Variants in RALYL observed in about 807,000 individuals in gnomAD.
RALYL encodes the protein RNA-binding Raly-like protein.
A neutral mutation model predicts 35.1 loss-of-function variants in RALYL; 29 were observed. The ratio of observed to expected loss-of-function variants is 0.83; its 90% confidence interval spans 0.61 to 1.13. RALYL has a LOEUF of 1.13. Among genes scored for constraint, RALYL ranks in the 50% most tolerant of loss-of-function variants. The pLI is 0.00. For synonymous variants in RALYL, 120 were observed against 127.6 expected, an observed-to-expected ratio of 0.94 and a Z score of 0.40; for missense variants, 359 against 360.4, an observed-to-expected ratio of 1.00 and a Z score of 0.03.
chr8:84,899,569 C>T (rs1259910805), intron 8 of RALYL, among the ~76,000 whole-genome samples: 1 of 152,044 alleles, frequency 6.6e-6, no homozygotes, highest in Admixed American at 6.5e-5. Flanking sequence ...GATTATTATA[C>T]AAAGAATGGA....
rs544099007 is a variant in RALYL, at chr8:84,419,445, A to G, written c.-23-109854A>G. ...TGTCTTTATCCCATTCTGCATCTGT[A>G]CCATTATCCCTAAAACTTGTCTTCA... On this transcript the variant is annotated intron_variant, in intron 1 of 8. Transcript: ENST00000521268. Among the ~76,000 whole-genome samples, 8 of 152,014 alleles carry G rather than the reference A, an allele frequency of 5.3e-5. No homozygotes were observed. The South Asian group carries it at 1.7e-3, about 32-fold the overall frequency.
chr8:84,623,968 C>T lies in RALYL; in HGVS notation c.256+94391C>T, dbSNP rs529121252. On this transcript the variant is annotated intron_variant, in intron 2 of 8. Transcript: ENST00000521268. Reference sequence around the variant, plus strand: ...AGTGGGAGATGAGATACTTCTCTTTCGACTGGTACTATTGTCTGTGTGAAA... The same window carrying T: ...AGTGGGAGATGAGATACTTCTCTTTTGACTGGTACTATTGTCTGTGTGAAA... Among the ~76,000 whole-genome samples the T allele has an allele frequency of 7.2e-5, 11 of 152,214 alleles. No homozygotes were observed. In the South Asian group the frequency reaches 8.3e-4, roughly 11 times the overall value.
At chr8:84,560,465 A>G (rs970789935) in intron 2 of RALYL, among the ~76,000 whole-genome samples, 1 of 151,984 alleles carries the variant, frequency 6.6e-6, no homozygotes, top group African/African-American at 2.4e-5. Flanking sequence ...AACAATAGAG[A>G]CAATGTAGCC....
chr8:84,569,723 A>T (rs1318297144), intron 2 of RALYL, among the ~76,000 whole-genome samples: 1 of 151,792 alleles, frequency 6.6e-6, no homozygotes, highest in Non-Finnish European at 1.5e-5. Context: ...GTTTTAGGTC[A>T]TACATTTAAG....
chr8:84,770,295 G>A (rs1239365920), intron 2 of RALYL, among the ~76,000 whole-genome samples: 1 of 151,678 alleles, frequency 6.6e-6, no homozygotes, highest in Non-Finnish European at 1.5e-5. Context: ...AACACACGAT[G>A]TTTGGTTTTC....
chr8:84,900,197 C>A (rs542923371), intron 8 of RALYL, among the ~76,000 whole-genome samples: 1 of 152,026 alleles, frequency 6.6e-6, no homozygotes, highest in Non-Finnish European at 1.5e-5. Context: ...TTCTGGAGTC[C>A]TTTGGAAATG....
At chr8:84,839,548 C>G (rs1832755483) in intron 4 of RALYL, among the ~76,000 whole-genome samples, 1 of 152,206 alleles carries the variant, frequency 6.6e-6, no homozygotes, top group South Asian at 2.1e-4. Context: ...GAGGGCAGGG[C>G]ACAGCCAAAC....
intron 2 of RALYL, among the ~76,000 whole-genome samples, chr8:84,740,922 T>C (rs541749511): frequency 3.9e-5 from 6 of 152,146 alleles, no homozygotes; most frequent in African/African-American, 1.4e-4. Flanking sequence ...GACATCTATT[T>C]GAGTTACTAT....
At chr8:84,454,932 G>C (rs1340116941) in intron 1 of RALYL, among the ~76,000 whole-genome samples, 1 of 152,038 alleles carries the variant, frequency 6.6e-6, no homozygotes, top group African/African-American at 2.4e-5. Context: ...TAGAAGTAGA[G>C]AATACTCTTC....
chr8:84,698,569 A>G (rs746043397), intron 2 of RALYL, among the ~76,000 whole-genome samples: 4 of 152,268 alleles, frequency 2.6e-5, no homozygotes, highest in Non-Finnish European at 5.9e-5. Context: ...TACCACATAT[A>G]TAAAATAAAG....
chr8:84,527,812 G>A (rs1318680309), intron 1 of RALYL, among the ~76,000 whole-genome samples: 1 of 152,008 alleles, frequency 6.6e-6, no homozygotes, highest in African/African-American at 2.4e-5. Context: ...GTTTCTAATG[G>A]TGTTTTACTC....
At chr8:84,377,680 C>G (rs966782379) in intron 1 of RALYL, among the ~76,000 whole-genome samples, 8 of 151,244 alleles carry the variant, frequency 5.3e-5, no homozygotes, top group Non-Finnish European at 1.2e-4. Flanking sequence ...TTTTATCCAC[C>G]CACTCTGCTC....
At position 84,775,673 on chromosome 8, in the gene RALYL, G is replaced by A. The variant is rs549141004; in HGVS notation, c.332+1019G>A. 3.3e-5 allele frequency among the ~76,000 whole-genome samples: 5 copies of A among 152,238 alleles called. No individual in the cohort carries two copies. In the South Asian group the frequency reaches 6.2e-4, roughly 19 times the overall value. On this transcript the variant is annotated intron_variant, in intron 3 of 8. Coordinates refer to ENST00000521268, the MANE Select transcript of RALYL (RefSeq NM_173848.7). ...AATTTGTCAGTGTCTATATCTATGC[G>A]GAGAATCCAGGTGAAGAGATTTAGC...
chr8:84,460,638 G>T (rs946469691), intron 1 of RALYL, among the ~76,000 whole-genome samples: 1 of 151,656 alleles, frequency 6.6e-6, no homozygotes, highest in Non-Finnish European at 1.5e-5. Flanking sequence ...CTGTGTATAA[G>T]ATACTTTCAA....
chr8:84,195,102 A>G (rs773135864), intron 1 of RALYL, among the ~76,000 whole-genome samples: 13 of 152,140 alleles, frequency 8.5e-5, no homozygotes, highest in Non-Finnish European at 1.5e-4. Context: ...CTGTAGTGCA[A>G]TTGATTCTGA....
At chr8:84,670,832 C>A (rs556636266) in intron 2 of RALYL, among the ~76,000 whole-genome samples, 2 of 152,278 alleles carry the variant, frequency 1.3e-5, no homozygotes, top group Admixed American at 1.3e-4. Context: ...CAAATCATAT[C>A]ATTCTGCCTC....
chr8:84,894,123 A>G (rs760825052), intron 8 of RALYL, among the ~76,000 whole-genome samples: 3 of 152,212 alleles, frequency 2.0e-5, no homozygotes, highest in Admixed American at 2.0e-4. Context: ...ACTGGAATGC[A>G]TAAAGCATTC....
At chr8:84,753,959 G>C (rs1402932204) in intron 2 of RALYL, among the ~76,000 whole-genome samples, 1 of 151,914 alleles carries the variant, frequency 6.6e-6, no homozygotes. Context: ...GTCTGTTCAT[G>C]TCCTTCGCCC....
rs919590250 is a variant in RALYL at position 84,726,433 on chromosome 8, C to T, written c.257-48146C>T. 1.3e-3 allele frequency among the ~76,000 whole-genome samples: 192 copies of T among 150,576 alleles called. 1 individual carries two copies. The highest frequency in any genetic ancestry group is 1.6e-4 in the Non-Finnish European group (11 of 67,554). On this transcript the variant is annotated intron_variant, in intron 2 of 8. Transcript: ENST00000521268. ...GTATTTTTGTTACTACCTAGCAGTT[C>T]ACTTGATGTTGGTAGACTATAACTA...
Sources: gnomAD v4.1 joint callset for allele counts (sites outside exome capture counted in the v4.1 genomes callset) on GRCh38, gnomAD v4.1.1 for gene constraint, MANE v1.5 for transcripts, NCBI Gene and HGNC (gene_info 2026-07-23, HGNC 2026-07-21) for gene names.